TYRP1: variants seen among roughly 807,000 people sequenced by gnomAD.
TYRP1 encodes 5,6-dihydroxyindole-2-carboxylic acid oxidase.
In TYRP1, 49 loss-of-function variants were observed where a neutral mutation model predicts 42.8. That is an observed-to-expected ratio of 1.14 (90% CI 0.91 to 1.45). The LOEUF (loss-of-function observed/expected upper bound fraction) is 1.45. Ranked by LOEUF, TYRP1 falls within the 40% of genes most tolerant of loss-of-function variation. TYRP1 has a pLI of 0.00. For missense variants in TYRP1, 848 were observed against 662.0 expected (o/e 1.28, Z -3.08); for synonymous variants, 279 against 235.4 (o/e 1.19, Z -1.69).
chr9:12,695,934 T>G, intron 3 of TYRP1, 97 bp downstream of exon 3: 2 of 1,405,132 alleles, frequency 1.4e-6, no homozygotes, highest in East Asian at 4.7e-5. Flanking sequence ...CATCAGAACA[T>G]TTGATGAAAA....
chr9:12,693,881 G>T lies in TYRP1; in HGVS notation c.-85-31G>T, dbSNP rs564453685. 4.0e-5 allele frequency: 58 copies of T among 1,451,366 alleles called. No individual in the cohort carries two copies. In the South Asian group the frequency reaches 6.8e-4, roughly 17 times the overall value. The allele number at this position is 1,451,366 out of a possible 1,614,324, so 89.9% of individuals were successfully genotyped here. A position where few individuals can be genotyped will look rare whatever the true frequency, so the allele number is the denominator to read the frequency against. On this transcript the variant is annotated intron_variant, in intron 1 of 7. Transcript: ENST00000388918. ...CCATTTTAAGTACCAAGAAAAACTT[G>T]CATAATCTCATTTTACTTTCTCTTT...
chr9:12,700,211 G>A (rs773282104), intron 4 of TYRP1: 15 of 151,830 alleles, frequency 9.9e-5, no homozygotes, highest in Non-Finnish European at 1.5e-4. Context: ...TTCTATTACT[G>A]TTCTTCTTTA....
intron 5 of TYRP1, 63 bp from the exon 6 acceptor site, chr9:12,704,463 A>G (rs1003845385): frequency 7.7e-6 from 12 of 1,563,908 alleles, no homozygotes; most frequent in Non-Finnish European, 8.7e-6. Context: ...AATCATTGCT[A>G]TTACCTGGAA....
intron 6 of TYRP1, among the ~76,000 whole-genome samples, chr9:12,706,419 G>T (rs1818259224): frequency 6.6e-6 from 1 of 151,868 alleles, no homozygotes; most frequent in African/African-American, 2.4e-5. Context: ...AGTTGTTAAA[G>T]GTTCTCCAGA....
intron 4 of TYRP1, chr9:12,701,557 A>G (rs1173926026): frequency 5.9e-5 from 9 of 151,928 alleles, no homozygotes; most frequent in Admixed American, 5.9e-4. Context: ...AATTTTTCTT[A>G]ATCCTATGGG....
In TYRP1 at chr9:12,704,538, C is replaced by T. The variant is rs776542897; in HGVS notation, c.1094C>T (p.Pro365Leu). ...FRNTVEGYSD[P>L]TGKYDPAVRS... is the part of the protein sequence containing the mutation. The stretch of plus-strand genomic sequence containing the variant: ...ACCATGTGTCTAGGTTACAGTGACC[C>T]CACGGGAAAGTATGACCCTGCTGTT... The change falls in exon 6 of 8, where the codon CCC becomes CTC. Residue 365 changes from proline to leucine, a missense_variant. Transcript: ENST00000388918. 3 of 1,612,268 alleles carry T rather than the reference C, an allele frequency of 1.9e-6. No individual in the cohort carries two copies. The highest frequency in any genetic ancestry group is 2.5e-6 in the Non-Finnish European group (3 of 1,179,356).
At chr9:12,706,170 A>C (rs1421097558) in intron 6 of TYRP1, among the ~76,000 whole-genome samples, 6 of 152,174 alleles carry the variant, frequency 3.9e-5, no homozygotes. Context: ...TTAGGAATTA[A>C]CAAAACCAGC....
chr9:12,708,534 C>CATTT (rs1818298852), intron 7 of TYRP1, among the ~76,000 whole-genome samples: 1 of 151,890 alleles, frequency 6.6e-6, no homozygotes, highest in South Asian at 2.1e-4. Flanking sequence ...ATATTGCCTG[C>CATTT]ATTTATCTAT....
rs1818319622 is a variant in TYRP1 at position 12,709,392 on chromosome 9, T to A, written c.*210T>A. On this transcript the variant is annotated 3_prime_UTR_variant, in exon 8 of 8. Coordinates refer to ENST00000388918, the MANE Select transcript of TYRP1 (RefSeq NM_000550.3). Reference sequence around the variant, plus strand: ...TTTTAATTTTCAGTTCTATTTAAAATGGTGAATGACACTAAACTCCATGAT... The same window carrying A: ...TTTTAATTTTCAGTTCTATTTAAAAAGGTGAATGACACTAAACTCCATGAT... The A allele has an allele frequency of 1.7e-6, 1 of 576,512 alleles. No homozygotes were observed. The highest frequency in any genetic ancestry group is 1.9e-5 in the African/African-American group (1 of 53,364). The allele number at this position is 576,512 out of a possible 1,614,324, so 35.7% of individuals were successfully genotyped here. A position where few individuals can be genotyped will look rare whatever the true frequency, so the allele number is the denominator to read the frequency against.
chr9:12,705,240 A>G (rs1008600632), intron 6 of TYRP1, among the ~76,000 whole-genome samples: 4 of 152,190 alleles, frequency 2.6e-5, no homozygotes, highest in Admixed American at 2.0e-4. Flanking sequence ...ATTCTTTAAA[A>G]TACTATTTAA....
intron 5 of TYRP1, among the ~76,000 whole-genome samples, chr9:12,703,881 A>ATGTGTGTG (rs895369253): frequency 2.4e-3 from 102 of 41,654 alleles, no homozygotes; most frequent in Admixed American, 0.015. Context: ...ATATATATAT[A>ATGTGTGTG]TATGTGTGTG....
In TYRP1 at chr9:12,708,114, T is replaced by C. The variant is rs1266110659; in HGVS notation, c.1379T>C (p.Leu460Pro). 6.2e-7 allele frequency: 1 copy of C among 1,612,662 alleles called. No individual in the cohort carries two copies. The highest frequency in any genetic ancestry group is 1.3e-5 in the African/African-American group (1 of 74,812). The change falls in exon 7 of 8, where the codon CTG (leucine) becomes CCG (proline). Residue 460 changes from leucine (L) to proline (P), a missense_variant. By Grantham distance (98) the Leu-to-Pro change is moderately conservative. Coordinates refer to ENST00000388918, the MANE Select transcript of TYRP1 (RefSeq NM_000550.3). ...TEMFVTAPDN[L>P]GYTYEIQWPS... ...ATGTTTGTTACTGCTCCAGACAACC[T>C]GGGATACACTTATGAAATTCAATGG...
rs1818286463 is a variant in TYRP1, at chr9:12,707,988, A to G, written c.1262-9A>G. The G allele has an allele frequency of 6.2e-7, 1 of 1,607,456 alleles. No individual in the cohort carries two copies. The highest frequency in any genetic ancestry group is 8.5e-7 in the Non-Finnish European group (1 of 1,175,480). Reference sequence around the variant, plus strand: ...TGTTTATTAATACGTTGTCTTTGGAATAATTTAGATATATCCACATTTCCA... The same window carrying G: ...TGTTTATTAATACGTTGTCTTTGGAGTAATTTAGATATATCCACATTTCCA... On this transcript the variant is annotated splice_polypyrimidine_tract_variant and intron_variant, in intron 6 of 7. Transcript: ENST00000388918.
At chr9:12,696,164 G>A (rs1483859706) in intron 3 of TYRP1, among the ~76,000 whole-genome samples, 1 of 152,136 alleles carries the variant, frequency 6.6e-6, no homozygotes, top group East Asian at 1.9e-4. Flanking sequence ...TCATTTGCAT[G>A]TCTTCCTTCT....
chr9:12,699,799 C>G (rs1818137057), intron 4 of TYRP1, among the ~76,000 whole-genome samples: 1 of 152,004 alleles, frequency 6.6e-6, no homozygotes, highest in Admixed American at 6.6e-5. Flanking sequence ...TGTGACCAGG[C>G]CATTGTATTT....
intron 6 of TYRP1, among the ~76,000 whole-genome samples, chr9:12,706,967 T>A (rs558793066): frequency 6.6e-6 from 1 of 151,910 alleles, no homozygotes; most frequent in Non-Finnish European, 1.5e-5. Context: ...TAAAGAAAAG[T>A]GGAGTCATTC....
intron 4 of TYRP1, among the ~76,000 whole-genome samples, chr9:12,699,038 C>CAAA (rs1304911186): frequency 1.3e-5 from 2 of 151,698 alleles, no homozygotes; most frequent in Admixed American, 6.6e-5. Flanking sequence ...GAAAAATAGG[C>CAAA]AAAAAGTTGG....
At chr9:12,698,220 A>G (rs182374955) in intron 3 of TYRP1, among the ~76,000 whole-genome samples, 356 of 152,232 alleles carry the variant, frequency 2.3e-3, no homozygotes, top group African/African-American at 8.3e-3. Flanking sequence ...TGTCTGCATA[A>G]TGAGTTGAGT....
intron 3 of TYRP1, among the ~76,000 whole-genome samples, chr9:12,696,324 T>G (rs1368142267): frequency 7.2e-5 from 11 of 152,120 alleles, no homozygotes. Flanking sequence ...ATAATTCCTT[T>G]CAATTTAGAC....
Sources: gnomAD v4.1 joint callset for allele counts (sites outside exome capture counted in the v4.1 genomes callset) on GRCh38, gnomAD v4.1.1 for gene constraint, MANE v1.5 for transcripts, NCBI Gene and HGNC (gene_info 2026-07-23, HGNC 2026-07-21) for gene names.